Variants in VOPP1 observed in about 807,000 individuals in gnomAD.
The protein encoded by VOPP1 is WW domain binding protein VOPP1.
Under a neutral mutation model 23.5 loss-of-function variants are expected in VOPP1, and 8 were observed. The ratio of observed to expected loss-of-function variants is 0.34; its 90% CI spans 0.20 to 0.61. VOPP1 has a LOEUF of 0.61. Among genes scored for constraint, VOPP1 ranks in the 20% least tolerant of loss-of-function variants. The probability of loss-of-function intolerance (pLI) is 0.78; values close to 1 mark genes in which losing one functional copy is unlikely to be tolerated. For missense variants in VOPP1, 174 were observed against 238.1 expected, an observed-to-expected ratio of 0.73 and a Z score of 1.77; for synonymous variants, 83 against 97.3, an observed-to-expected ratio of 0.85 and a Z score of 0.86.
chr7:55,511,559 C>G (rs558154197), intron 2 of VOPP1, among the ~76,000 whole-genome samples: 1 of 152,282 alleles, frequency 6.6e-6, no homozygotes, highest in East Asian at 1.9e-4. Flanking sequence ...AAGGAAAATT[C>G]AAGCTGAAAC....
Position 55,537,399 on chromosome 7 carries a change from G to A in VOPP1, c.55-16269C>T, listed in dbSNP as rs1460749344. 10 of 1,472,678 alleles carry A rather than the reference G, an allele frequency of 6.8e-6. No homozygotes were observed. In the Admixed American group the frequency reaches 1.8e-4, roughly 26 times the overall value. The allele number at this position is 1,472,678 out of a possible 1,614,324, so 91.2% of individuals were successfully genotyped here. ...ACTGATTTCGTGCTCCAGCCTTCTG[G>A]AGGTAACACATAACTGCCCACCATG... On this transcript the variant is annotated intron_variant, in intron 1 of 4. Transcript: ENST00000285279.
At chr7:55,512,749 A>G (rs895206194) in intron 2 of VOPP1, among the ~76,000 whole-genome samples, 1 of 152,194 alleles carries the variant, frequency 6.6e-6, no homozygotes, top group East Asian at 1.9e-4. Context: ...GGAAGGCCCC[A>G]GTGCTGCAGG....
chr7:55,529,360 G>A (rs1429474765), intron 1 of VOPP1, among the ~76,000 whole-genome samples: 11 of 47,394 alleles, frequency 2.3e-4, no homozygotes, highest in South Asian at 2.7e-3. Flanking sequence ...GCAAGATTCC[G>A]TCTCAAAAAA....
intron 4 of VOPP1, among the ~76,000 whole-genome samples, chr7:55,462,360 G>GTA (rs1187540340): frequency 6.6e-6 from 1 of 152,112 alleles, no homozygotes. Context: ...ATCTATTTGG[G>GTA]TATCTTTAAG....
rs1238476720 is a variant in VOPP1, at chr7:55,521,121, C to T, written c.64G>A (p.Ala22Thr). 1.3e-6 allele frequency: 2 copies of T among 1,579,402 alleles called. No homozygotes were observed. The highest frequency in any genetic ancestry group is 1.7e-6 in the Non-Finnish European group (2 of 1,161,614). The change falls in exon 2 of 5, where the codon GCC becomes ACC. Residue 22 changes from alanine (A) to threonine (T), a missense_variant. Physicochemically the swap from Ala to Thr is moderately conservative, Grantham distance 58 (BLOSUM62 0). Coordinates refer to ENST00000285279, the MANE Select transcript of VOPP1 (RefSeq NM_030796.5). Reference protein sequence around the residue: ...LLGLLLECTEAKKHCWYFEGL... With the variant: ...LLGLLLECTETKKHCWYFEGL... ...TCGAAATACCAGCAATGCTTTTTGG[C>T]TTCTGTGCACTGCAAATAGAAGCAA...
intron 1 of VOPP1, among the ~76,000 whole-genome samples, chr7:55,540,804 T>C (rs901040622): frequency 3.9e-5 from 6 of 151,976 alleles, no homozygotes; most frequent in Admixed American, 6.6e-5. Context: ...TGAGACAGAG[T>C]CGATGCCACA....
chr7:55,463,725 C>A (rs111410495), intron 4 of VOPP1, among the ~76,000 whole-genome samples: 1 of 152,178 alleles, frequency 6.6e-6, no homozygotes, highest in Non-Finnish European at 1.5e-5. Context: ...TGTGCATGAC[C>A]TGCTCAGTGG....
chr7:55,565,002 C>A (rs76050251), intron 1 of VOPP1, among the ~76,000 whole-genome samples: 1,662 of 152,204 alleles, frequency 0.011, 11 homozygotes, highest in Middle Eastern at 0.024. Flanking sequence ...CCTAATTTAC[C>A]GGATAATATC....
chr7:55,448,627 G>A (rs1164127171), intron 4 of VOPP1, among the ~76,000 whole-genome samples: 1 of 152,162 alleles, frequency 6.6e-6, no homozygotes, highest in African/African-American at 2.4e-5. Flanking sequence ...GGAATCCTCC[G>A]CGGGATCCTC....
intron 1 of VOPP1, among the ~76,000 whole-genome samples, chr7:55,536,340 C>A (rs1053177948): frequency 6.6e-6 from 1 of 152,130 alleles, no homozygotes; most frequent in South Asian, 2.1e-4. Context: ...ACCAACCTGG[C>A]CAACATGGTG....
chr7:55,501,837 C>A (rs1794390557), intron 2 of VOPP1, among the ~76,000 whole-genome samples: 1 of 152,112 alleles, frequency 6.6e-6, no homozygotes, highest in African/African-American at 2.4e-5. Context: ...CTAGTTCCCT[C>A]CCATTGCTCC....
chr7:55,468,662 C>T (rs1457721880), downstream of VOPP1, among the ~76,000 whole-genome samples: 3 of 152,256 alleles, frequency 2.0e-5, no homozygotes, highest in Non-Finnish European at 2.9e-5. Flanking sequence ...TCTGGAAGTG[C>T]CTGGGCGGGG....
intron 4 of VOPP1, among the ~76,000 whole-genome samples, chr7:55,487,737 C>T (rs1023432173): frequency 6.6e-6 from 1 of 152,206 alleles, no homozygotes; most frequent in African/African-American, 2.4e-5. Context: ...CTTTAATGGC[C>T]ACATAATATT....
At chr7:55,550,708 T>C (rs1797570031) in intron 1 of VOPP1, among the ~76,000 whole-genome samples, 1 of 152,218 alleles carries the variant, frequency 6.6e-6, no homozygotes, top group Admixed American at 6.5e-5. Context: ...TGATGGGTAA[T>C]TTTTAACGGA....
rs1053975194 is a variant in VOPP1, at chr7:55,498,938, G to A, written c.114-1248C>T. Among the ~76,000 whole-genome samples, 8 of 152,008 alleles carry A rather than the reference G, an allele frequency of 5.3e-5. No homozygotes were observed. The South Asian group carries it at 6.2e-4, about 12-fold the overall frequency. ...TCTTTGTAAACACCCCGCACCCAACGGCAGCTAAATCCTCTATTGTTTCAA... is the reference window on the plus strand; with the variant it reads ...TCTTTGTAAACACCCCGCACCCAACAGCAGCTAAATCCTCTATTGTTTCAA... On this transcript the variant is annotated intron_variant, in intron 2 of 4. Transcript: ENST00000285279.
chr7:55,492,451 C>T lies in VOPP1; in HGVS notation c.192-33G>A, dbSNP rs1171870664. 3 of 1,581,890 alleles carry T rather than the reference C, an allele frequency of 1.9e-6. No homozygotes were observed. The East Asian group carries it at 6.8e-5, about 36-fold the overall frequency. ...GAGTACAGACGTGAGGGTGGTGCTC[C>T]CAGGTGGGGGCCCTGAGGGCTTGGC... On this transcript the variant is annotated intron_variant, in intron 3 of 4. Coordinates refer to ENST00000285279, the MANE Select transcript of VOPP1 (RefSeq NM_030796.5).
At chr7:55,516,002 A>C (rs1795382836) in intron 2 of VOPP1, 19 of 985,518 alleles carry the variant, frequency 1.9e-5, no homozygotes, top group Non-Finnish European at 2.3e-5. Context: ...CCGTGCTGGC[A>C]AAGGAGCTGA....
intron 2 of VOPP1, among the ~76,000 whole-genome samples, chr7:55,513,390 C>T (rs1328103402): frequency 6.6e-6 from 1 of 152,188 alleles, no homozygotes; most frequent in African/African-American, 2.4e-5. Context: ...ATGCAGCCAT[C>T]CATTTTTTCC....
rs551297628 is a variant in VOPP1, at chr7:55,525,885, C to T, written c.55-4755G>A. 4.0e-5 allele frequency among the ~76,000 whole-genome samples: 6 copies of T among 149,070 alleles called. 1 individual carries two copies. The highest frequency in any genetic ancestry group is 1.5e-4 in the African/African-American group (6 of 40,422). ...AGGTTTTATGCCCACTCTGAAAAGT[C>T]AGTCTACCCACATTTTGCGAAGATA... On this transcript the variant is annotated intron_variant, in intron 1 of 4. Coordinates refer to ENST00000285279, the MANE Select transcript of VOPP1 (RefSeq NM_030796.5).
Sources: gnomAD v4.1 joint callset for allele counts (sites outside exome capture counted in the v4.1 genomes callset) on GRCh38, gnomAD v4.1.1 for gene constraint, MANE v1.5 for transcripts, NCBI Gene and HGNC (gene_info 2026-07-23, HGNC 2026-07-21) for gene names.